PEPD: variants seen among roughly 807,000 people sequenced by gnomAD.
The protein encoded by PEPD is xaa-Pro dipeptidase.
PEPD carries 53 observed loss-of-function variants against 60.7 expected under a neutral mutation model. That is an observed-to-expected ratio of 0.87 (90% CI 0.70 to 1.10). The LOEUF is 1.10. Among genes scored for constraint, PEPD ranks in the 50% least tolerant of loss-of-function variants. The probability of loss-of-function intolerance (pLI) is 0.00; values close to 1 mark genes in which losing one functional copy is unlikely to be tolerated. For synonymous variants in PEPD, 267 were observed against 284.1 expected, an observed-to-expected ratio of 0.94 and a Z score of 0.60; for missense variants, 711 against 711.9, an observed-to-expected ratio of 1.00 and a Z score of 0.01.
At position 33,387,004 on chromosome 19, in the gene PEPD, C is replaced by CAGAA. The variant is rs886054332; in HGVS notation, c.*336_*339dup. On this transcript the variant is annotated 3_prime_UTR_variant, in exon 15 of 15. Transcript: ENST00000244137. ...TGCCATTCTGCATATTGATTTTTGA[C>CAGAA]AGAAAGTATCAGAAATGCTTCTTTC... is the stretch of plus-strand genomic sequence containing the variant. 4.9e-5 allele frequency: 14 copies of CAGAA among 287,574 alleles called. 1 individual carries two copies. In the South Asian group the frequency reaches 5.8e-4, roughly 12 times the overall value. The allele number at this position is 287,574 out of a possible 1,614,324, so 17.8% of individuals were successfully genotyped here.
At chr19:33,426,457 G>A (rs1471804822) in intron 9 of PEPD, among the ~76,000 whole-genome samples, 1 of 152,216 alleles carries the variant, frequency 6.6e-6, no homozygotes, top group East Asian at 1.9e-4. Context: ...CTAAAGCACT[G>A]TCGCACCTGG....
At chr19:33,497,286 G>A (rs1157819981) in intron 4 of PEPD, among the ~76,000 whole-genome samples, 3 of 152,232 alleles carry the variant, frequency 2.0e-5, no homozygotes, top group Non-Finnish European at 4.4e-5. Context: ...AGCAGACTTG[G>A]TGACCCTCGG....
At chr19:33,519,506 T>C (rs1007296662) in intron 1 of PEPD, among the ~76,000 whole-genome samples, 4 of 152,232 alleles carry the variant, frequency 2.6e-5, no homozygotes. Flanking sequence ...CTCTATGATC[T>C]GTTCTGTGAG....
At chr19:33,399,264 G>C (rs77423258) in intron 12 of PEPD, among the ~76,000 whole-genome samples, 16,463 of 152,232 alleles carry the variant, frequency 0.11, 1,226 homozygotes, top group East Asian at 0.19. Flanking sequence ...TTATAAGTGT[G>C]AGCCACAGAG....
intron 11 of PEPD, among the ~76,000 whole-genome samples, chr19:33,410,673 TG>T (rs962916596): frequency 1.3e-5 from 2 of 152,062 alleles, no homozygotes; most frequent in Admixed American, 1.3e-4. Flanking sequence ...GCCATGCTGC[TG>T]GGGGGCAGAG....
At chr19:33,505,998 C>T (rs1970795960) in intron 3 of PEPD, among the ~76,000 whole-genome samples, 1 of 148,930 alleles carries the variant, frequency 6.7e-6, no homozygotes, top group East Asian at 2.0e-4. Context: ...TTACACATCA[C>T]TCACACACCC....
Position 33,396,621 on chromosome 19 carries a change from T to C in PEPD, c.967+5100A>G, listed in dbSNP as rs60997914. On this transcript the variant is annotated intron_variant, in intron 12 of 14. Coordinates refer to ENST00000244137, the MANE Select transcript of PEPD (RefSeq NM_000285.4). ...GGCCACCATTGCTGTTCCAGGTTGA[T>C]AGGAGCTGGGCCCCCAGTGACAGGG... is the stretch of plus-strand genomic sequence containing the variant. 2.0e-3 allele frequency among the ~76,000 whole-genome samples: 275 copies of C among 137,890 alleles called. 1 individual carries two copies. The highest frequency in any genetic ancestry group is 7.0e-3 in the African/African-American group (263 of 37,620). The allele number at this position is 137,890 out of a possible 152,430, so 90.5% of individuals were successfully genotyped here. A position where few individuals can be genotyped will look rare whatever the true frequency, so the allele number is the denominator to read the frequency against.
At chr19:33,428,913 C>A (rs1009088707) in intron 9 of PEPD, among the ~76,000 whole-genome samples, 1 of 152,226 alleles carries the variant, frequency 6.6e-6, no homozygotes, top group African/African-American at 2.4e-5. Context: ...TATGCATATA[C>A]GCACACATCC....
chr19:33,453,146 T>C (rs1192374697), intron 9 of PEPD, among the ~76,000 whole-genome samples: 1 of 151,770 alleles, frequency 6.6e-6, no homozygotes. Context: ...AGATCCCAAG[T>C]CCACAGAAAA....
At chr19:33,489,934 CT>C (rs1568498004) in intron 6 of PEPD, 61 bp downstream of exon 6, 4 of 926,992 alleles carry the variant, frequency 4.3e-6, no homozygotes, top group South Asian at 4.1e-5. Context: ...CGGGAAAGAC[CT>C]GCTAGTGAAG....
chr19:33,392,956 G>T (rs939135858), intron 12 of PEPD, among the ~76,000 whole-genome samples: 1 of 152,186 alleles, frequency 6.6e-6, no homozygotes, highest in Admixed American at 6.5e-5. Flanking sequence ...GGTCTCAGGC[G>T]GGCTGGGGGT....
At position 33,387,373 on chromosome 19, in the gene PEPD, CCTTGTCACAG is replaced by C. The variant is rs1327239537; in HGVS notation, c.1443_1452del (p.Cys482ProfsTer53). 2 of 1,614,074 alleles carry C rather than the reference CCTTGTCACAG, an allele frequency of 1.2e-6. No individual in the cohort carries two copies. Among genetic ancestry groups the C allele is most frequent in the Non-Finnish European group, 1.7e-6 (2 of 1,180,050 alleles). The stretch of plus-strand genomic sequence containing the variant: ...TTGGGGCCAGAGAAGGGGGTAAAGG[CCTTGTCACAG>C]CCTGCCATGCATGCTTCAATCTCTT... On this transcript the variant is annotated frameshift_variant, in exon 15 of 15. Coordinates refer to ENST00000244137, the MANE Select transcript of PEPD (RefSeq NM_000285.4). LOFTEE classifies it high-confidence loss of function.
chr19:33,506,098 CCACA>C (rs1179422794), intron 3 of PEPD, among the ~76,000 whole-genome samples: 1 of 142,592 alleles, frequency 7.0e-6, no homozygotes, highest in Non-Finnish European at 1.5e-5. Flanking sequence ...CCTCAGACAC[CCACA>C]CACACCCTCA....
chr19:33,518,649 G>A (rs913206251), intron 1 of PEPD, among the ~76,000 whole-genome samples: 1 of 152,158 alleles, frequency 6.6e-6, no homozygotes, highest in African/African-American at 2.4e-5. Flanking sequence ...AGGAAAGCAG[G>A]ATGGGATGCT....
intron 11 of PEPD, among the ~76,000 whole-genome samples, chr19:33,402,578 A>G (rs1242376040): frequency 6.6e-6 from 1 of 152,130 alleles, no homozygotes; most frequent in African/African-American, 2.4e-5. Flanking sequence ...GCCAGGGCCC[A>G]AGGGGAGGGC....
intron 13 of PEPD, among the ~76,000 whole-genome samples, chr19:33,390,021 C>G (rs556487243): frequency 6.6e-6 from 1 of 152,264 alleles, no homozygotes; most frequent in Non-Finnish European, 1.5e-5. Flanking sequence ...CGCCCATGCT[C>G]GCCTCTGCCT....
Position 33,459,664 on chromosome 19 carries a change from G to A in PEPD, c.671+3331C>T, listed in dbSNP as rs79906800. Among the ~76,000 whole-genome samples the A allele has an allele frequency of 5.8e-3, 807 of 139,742 alleles. 31 individuals are homozygous for A. In the East Asian group the frequency reaches 0.1, roughly 18 times the overall value. The allele number at this position is 139,742 out of a possible 152,430, so 91.7% of individuals were successfully genotyped here. ...GGAGGAGTCTTCATAAATGCCATCC[G>A]CTCGCTCACTTTTTTTTTTTAACAT... On this transcript the variant is annotated intron_variant, in intron 9 of 14. Transcript: ENST00000244137.
intron 12 of PEPD, among the ~76,000 whole-genome samples, chr19:33,397,469 G>A (rs1487551325): frequency 6.6e-6 from 1 of 152,104 alleles, no homozygotes; most frequent in African/African-American, 2.4e-5. Context: ...TGCTACGGGA[G>A]GCGACCTGCC....
At chr19:33,506,330 A>C (rs1008673994) in intron 3 of PEPD, among the ~76,000 whole-genome samples, 1 of 142,356 alleles carries the variant, frequency 7.0e-6, no homozygotes, top group Non-Finnish European at 1.5e-5. Context: ...CACTACACAC[A>C]CACCCACACA....
Sources: allele counts gnomAD v4.1 joint callset (sites outside exome capture counted in the v4.1 genomes callset), GRCh38; gene constraint gnomAD v4.1.1; transcripts MANE v1.5; gene names NCBI Gene and HGNC (gene_info 2026-07-23, HGNC 2026-07-21).